The following PCDH15 variants were observed in gnomAD, a reference collection of about 807,000 sequenced individuals.
PCDH15 encodes protocadherin related 15, also known as protocadherin-15.
PCDH15 carries 129 observed loss-of-function variants against 178.5 expected under a neutral mutation model. That is an observed-to-expected ratio of 0.72 (90% CI 0.63 to 0.84). The LOEUF is 0.84. Among genes scored for constraint, PCDH15 ranks in the 40% least tolerant of loss-of-function variants. PCDH15 has a pLI of 0.00. For synonymous variants in PCDH15, 800 were observed against 732.0 expected (o/e 1.09, Z -1.50); for missense variants, 2,230 against 2,099.9 (o/e 1.06, Z -1.21).
intron 19 of PCDH15, 140 bp downstream of exon 19, chr10:54,022,752 A>G: frequency 1.2e-6 from 1 of 860,738 alleles, no homozygotes; most frequent in Non-Finnish European, 1.9e-6. Flanking sequence ...TGGAGAAATA[A>G]TAAAAATTTA....
At chr10:54,332,459 T>C (rs928767694) in intron 6 of PCDH15, among the ~76,000 whole-genome samples, 2 of 145,060 alleles carry the variant, frequency 1.4e-5, no homozygotes, top group Non-Finnish European at 3.0e-5. Flanking sequence ...ACTGTAGGCC[T>C]CTCTCTTCTC....
chr10:53,806,942 C>T lies in PCDH15; in HGVS notation c.4860G>A (p.Thr1620=), dbSNP rs148772706. 6,586 of 1,613,760 alleles carry T rather than the reference C, an allele frequency of 4.1e-3. 15 individuals are homozygous for T. Among genetic ancestry groups the T allele is most frequent in the Non-Finnish European group, 5.1e-3 (6,024 of 1,179,810 alleles). ...CAGGGGAAGCAACTTTTAAGTTGTCCGTGAGGCAGGCACGGCGGGTTCTCA... is the reference window on the plus strand; with the variant it reads ...CAGGGGAAGCAACTTTTAAGTTGTCTGTGAGGCAGGCACGGCGGGTTCTCA... ...SVVRTRRACL[T]DNLKVASPVR... The change falls in exon 38 of 38, where the codon ACG becomes ACA. Residue 1620 remains threonine, a synonymous_variant. Transcript: ENST00000644397.
chr10:55,472,693 C>T (rs575069026), intron 2 of PCDH15, among the ~76,000 whole-genome samples: 11 of 152,228 alleles, frequency 7.2e-5, no homozygotes, highest in East Asian at 1.9e-4. Context: ...CTCATCCTCC[C>T]TAGTAGCTGT....
Position 55,103,111 on chromosome 10 carries a change from CTTTTTT to C in PCDH15, c.-80+63459_-80+63464del, listed in dbSNP as rs112141976. ...ATATGGTAATTTCTCTCTGATTTTT[CTTTTTT>C]TTTTTTTTTGCTTTTCCATTTCTCT... On this transcript the variant is annotated intron_variant, in intron 2 of 5. Transcript: ENST00000458638. Among the ~76,000 whole-genome samples the C allele has an allele frequency of 3.8e-3, 482 of 125,558 alleles. 3 individuals carry two copies. Among genetic ancestry groups the C allele is most frequent in the African/African-American group, 0.013 (465 of 35,878 alleles). The allele number at this position is 125,558 out of a possible 152,430, so 82.4% of individuals were successfully genotyped here.
intron 3 of PCDH15, among the ~76,000 whole-genome samples, chr10:54,449,207 T>C (rs1930149): frequency 0.6 from 90,358 of 151,534 alleles, 27,588 homozygotes; most frequent in African/African-American, 0.71. Context: ...CACTTCCCAC[T>C]GAACCTGAGC....
intron 26 of PCDH15, among the ~76,000 whole-genome samples, chr10:53,871,741 TTTTG>T (rs2079875854): frequency 6.6e-6 from 1 of 151,652 alleles, no homozygotes; most frequent in African/African-American, 2.4e-5. Context: ...TTTTGTTTTG[TTTTG>T]TTTTGTTTTG....
chr10:53,832,034 CAAACTCTG>C lies in PCDH15; in HGVS notation c.3984-509_3984-502del, dbSNP rs2077044939. Among the ~76,000 whole-genome samples the C allele has an allele frequency of 6.7e-4, 102 of 152,114 alleles. 2 individuals carry two copies. The highest frequency in any genetic ancestry group is 2.4e-3 in the African/African-American group (100 of 41,466). On this transcript the variant is annotated intron_variant, in intron 29 of 37. Coordinates refer to ENST00000644397, the MANE Select transcript of PCDH15 (RefSeq NM_001384140.1). Reference sequence around the variant, plus strand: ...AGGCACCAAACTAAGATTTCAGACTCAAACTCTGTATTTGTTTGCCATAACACCATCTT... The same window carrying C: ...AGGCACCAAACTAAGATTTCAGACTCTATTTGTTTGCCATAACACCATCTT...
chr10:53,823,288 G>T (rs1240379851), intron 32 of PCDH15: 1 of 1,613,880 alleles, frequency 6.2e-7, no homozygotes, highest in African/African-American at 1.3e-5. Context: ...ATCACAACTT[G>T]TTGATGTTTC....
At chr10:55,144,555 TCTC>T (rs1341338565) in intron 2 of PCDH15, among the ~76,000 whole-genome samples, 4 of 152,084 alleles carry the variant, frequency 2.6e-5, no homozygotes, top group Admixed American at 6.6e-5. Flanking sequence ...ACATGGCTCT[TCTC>T]CTTGAATCAG....
chr10:54,828,579 C>A (rs866460735), intron 3 of PCDH15, among the ~76,000 whole-genome samples: 3 of 151,790 alleles, frequency 2.0e-5, no homozygotes, highest in Admixed American at 1.3e-4. Flanking sequence ...ATTTTCTATC[C>A]TCTTAATTTG....
In PCDH15 at chr10:55,431,859, T is replaced by C. The variant is rs565913724; in HGVS notation, c.-156+195766A>G. 1.1e-3 allele frequency among the ~76,000 whole-genome samples: 165 copies of C among 152,256 alleles called. 2 individuals are homozygous for C. Among genetic ancestry groups the C allele is most frequent in the African/African-American group, 3.8e-3 (158 of 41,568 alleles). On this transcript the variant is annotated intron_variant, in intron 2 of 5. Coordinates refer to the PCDH15 transcript ENST00000613346. ...AGCCTCTTACACAAATCTCTATGAT[T>C]CCATTTCCCTCCTCTTTATCTTGTG...
intron 10 of PCDH15, among the ~76,000 whole-genome samples, chr10:54,207,123 TCA>T (rs1177654782): frequency 1.3e-5 from 2 of 152,146 alleles, no homozygotes; most frequent in African/African-American, 4.8e-5. Context: ...GTGTCTTTTG[TCA>T]GTTTGTGCTT....
At chr10:54,405,035 T>C (rs1295196788) in intron 3 of PCDH15, among the ~76,000 whole-genome samples, 1 of 151,902 alleles carries the variant, frequency 6.6e-6, no homozygotes, top group Non-Finnish European at 1.5e-5. Context: ...AAAAAAGCAA[T>C]GCTTATACAC....
intron 2 of PCDH15, among the ~76,000 whole-genome samples, chr10:55,455,938 C>T (rs1022610566): frequency 2.6e-5 from 4 of 152,072 alleles, no homozygotes; most frequent in Non-Finnish European, 1.5e-5. Context: ...CGAGTTCCTA[C>T]GTAATGAACT....
Position 53,888,835 on chromosome 10 carries a change from A to T in PCDH15, c.3501+14408T>A, listed in dbSNP as rs981753586. 2.7e-5 allele frequency among the ~76,000 whole-genome samples: 4 copies of T among 150,104 alleles called. No individual in the cohort carries two copies. The South Asian group carries it at 8.4e-4, about 31-fold the overall frequency. Reference sequence around the variant, plus strand: ...GACTTACACTATCAGATATTATAAAACTATAGTAATTCAGATAGCAGAATG... The same window carrying T: ...GACTTACACTATCAGATATTATAAATCTATAGTAATTCAGATAGCAGAATG... On this transcript the variant is annotated intron_variant, in intron 26 of 37. Coordinates refer to ENST00000644397, the MANE Select transcript of PCDH15 (RefSeq NM_001384140.1).
rs12098726 is a variant in PCDH15 at position 54,895,538 on chromosome 10, G to T, written c.-29+1912C>A. ...ATAACAGCTTAGAGAAGAGGATTTT[G>T]CCCCCTTTGCACTGTTGTCTCATTT... On this transcript the variant is annotated intron_variant, in intron 3 of 5. Coordinates refer to the PCDH15 transcript ENST00000458638. Among the ~76,000 whole-genome samples, 264 of 152,206 alleles carry T rather than the reference G, an allele frequency of 1.7e-3. 2 individuals carry two copies. The highest frequency in any genetic ancestry group is 0.015 in the Admixed American group (233 of 15,272).
At chr10:54,728,875 A>G (rs1942953107) in intron 1 of PCDH15, among the ~76,000 whole-genome samples, 1 of 151,604 alleles carries the variant, frequency 6.6e-6, no homozygotes, top group African/African-American at 2.4e-5. Context: ...TAGGGAGGTG[A>G]AAATATTTAC....
intron 2 of PCDH15, among the ~76,000 whole-genome samples, chr10:55,373,409 T>TA (rs1396377867): frequency 6.6e-6 from 1 of 152,028 alleles, no homozygotes; most frequent in Non-Finnish European, 1.5e-5. Context: ...ATTCCTTCTA[T>TA]AAAAATATAG....
chr10:54,492,673 A>G (rs906146574), intron 3 of PCDH15, among the ~76,000 whole-genome samples: 2 of 152,196 alleles, frequency 1.3e-5, no homozygotes, highest in African/African-American at 4.8e-5. Flanking sequence ...CACAAGAATA[A>G]GGATGAGTAC....
Sources: allele counts gnomAD v4.1 joint callset (sites outside exome capture counted in the v4.1 genomes callset), GRCh38; gene constraint gnomAD v4.1.1; transcripts MANE v1.5; gene names NCBI Gene and HGNC (gene_info 2026-07-23, HGNC 2026-07-21).